The following MALRD1 variants were observed in gnomAD, a reference collection of about 807,000 sequenced individuals.
MALRD1 encodes MAM and LDL-receptor class A domain-containing protein 1.
Under a neutral mutation model 242.1 loss-of-function variants are expected in MALRD1, and 247 were observed. The ratio of observed to expected loss-of-function variants is 1.02; its 90% CI spans 0.92 to 1.13. The LOEUF (loss-of-function observed/expected upper bound fraction) is 1.13. Among genes scored for constraint, MALRD1 ranks in the 50% most tolerant of loss-of-function variants. The pLI is 0.00. For synonymous variants in MALRD1, 995 were observed against 866.6 expected, an observed-to-expected ratio of 1.15 and a Z score of -2.60; for missense variants, 2,989 against 2,533.1, an observed-to-expected ratio of 1.18 and a Z score of -3.86.
At chr10:19,436,102 C>G (rs1050049088) in intron 28 of MALRD1, among the ~76,000 whole-genome samples, 6 of 152,094 alleles carry the variant, frequency 3.9e-5, no homozygotes, top group Non-Finnish European at 8.8e-5. Context: ...CTGACTTCAG[C>G]CCTACAAGAT....
At chr10:19,347,240 C>A (rs2130980653) in intron 24 of MALRD1, among the ~76,000 whole-genome samples, 1 of 152,220 alleles carries the variant, frequency 6.6e-6, no homozygotes, top group South Asian at 2.1e-4. Context: ...GCAACTTAAC[C>A]TATTTAATTT....
At chr10:19,424,038 A>G (rs1047770501) in intron 28 of MALRD1, among the ~76,000 whole-genome samples, 1 of 152,234 alleles carries the variant, frequency 6.6e-6, no homozygotes, top group African/African-American at 2.4e-5. Flanking sequence ...TAAAACAGAA[A>G]AAAAGACTCA....
At chr10:19,137,530 T>C (rs1350554507) in intron 10 of MALRD1, among the ~76,000 whole-genome samples, 1 of 142,240 alleles carries the variant, frequency 7.0e-6, no homozygotes, top group Non-Finnish European at 1.5e-5. Flanking sequence ...TGCCTGAACA[T>C]GGGAGGTGGA....
intron 2 of MALRD1, among the ~76,000 whole-genome samples, chr10:19,078,780 A>G (rs1209725349): frequency 6.6e-6 from 1 of 151,712 alleles, no homozygotes; most frequent in African/African-American, 2.4e-5. Context: ...CATCTCTTCT[A>G]GGTTATCTAA....
intron 18 of MALRD1, among the ~76,000 whole-genome samples, chr10:19,233,382 A>T (rs1449595820): frequency 6.6e-6 from 1 of 152,124 alleles, no homozygotes; most frequent in Admixed American, 6.6e-5. Context: ...AGTGCCTGTC[A>T]TCCCAGCTAC....
At chr10:19,049,865 C>T (rs1031820029) in intron 1 of MALRD1, among the ~76,000 whole-genome samples, 54 of 152,174 alleles carry the variant, frequency 3.5e-4, no homozygotes, top group Non-Finnish European at 6.6e-4. Context: ...ATGACATGTA[C>T]GTTCCTGTCA....
At chr10:19,361,439 T>C (rs1302249625) in intron 26 of MALRD1, among the ~76,000 whole-genome samples, 1 of 152,162 alleles carries the variant, frequency 6.6e-6, no homozygotes, top group Non-Finnish European at 1.5e-5. Flanking sequence ...AGCCTACGAT[T>C]TCTTAGCTCA....
intron 1 of MALRD1, among the ~76,000 whole-genome samples, 180 bp downstream of exon 1, chr10:19,049,317 A>C (rs1834417628): frequency 1.3e-5 from 2 of 152,188 alleles, no homozygotes; most frequent in South Asian, 4.1e-4. Context: ...CCATATAAAA[A>C]AATTATCAAA....
chr10:19,521,719 A>T (rs147233447), intron 31 of MALRD1, among the ~76,000 whole-genome samples: 2 of 152,238 alleles, frequency 1.3e-5, no homozygotes, highest in African/African-American at 4.8e-5. Context: ...TCTTGCTATT[A>T]TATGTATTTA....
chr10:19,506,008 G>A (rs1833120345), intron 31 of MALRD1, among the ~76,000 whole-genome samples: 1 of 152,102 alleles, frequency 6.6e-6, no homozygotes. Context: ...ATTGGTCTTT[G>A]CTGTAGCCTG....
chr10:19,185,257 C>T (rs1835687840), intron 14 of MALRD1, among the ~76,000 whole-genome samples: 1 of 152,196 alleles, frequency 6.6e-6, no homozygotes, highest in African/African-American at 2.4e-5. Flanking sequence ...TTTACTTAAG[C>T]AGCTCTGTAA....
chr10:19,552,159 A>T (rs1409404628), intron 32 of MALRD1, among the ~76,000 whole-genome samples: 2 of 152,110 alleles, frequency 1.3e-5, no homozygotes, highest in African/African-American at 4.8e-5. Context: ...TAGTTTCTCT[A>T]GGAATGGTAC....
At chr10:19,607,725 A>T in intron 34 of MALRD1, 52 bp from the exon 35 acceptor site, 1 of 1,520,520 alleles carries the variant, frequency 6.6e-7, no homozygotes, top group South Asian at 1.2e-5. Flanking sequence ...ATTCATTGGG[A>T]CAAAAAAAAA....
intron 33 of MALRD1, among the ~76,000 whole-genome samples, chr10:19,584,837 C>T (rs2131522028): frequency 6.6e-6 from 1 of 151,870 alleles, no homozygotes; most frequent in Non-Finnish European, 1.5e-5. Flanking sequence ...TTAAAGTCTC[C>T]CATTATTAAT....
chr10:19,165,287 TTTTG>T lies in MALRD1; in HGVS notation c.1657-346_1657-343del, dbSNP rs1564435300. 4.9e-3 allele frequency among the ~76,000 whole-genome samples: 541 copies of T among 110,588 alleles called. 5 individuals carry two copies. The highest frequency in any genetic ancestry group is 0.021 in the African/African-American group (506 of 24,080). The allele number at this position is 110,588 out of a possible 152,430, so 72.6% of individuals were successfully genotyped here. On this transcript the variant is annotated intron_variant, in intron 12 of 39. Coordinates refer to ENST00000454679, the MANE Select transcript of MALRD1 (RefSeq NM_001142308.3). ...TATATTTTGTTTTGTTTTGTTTTTG[TTTTG>T]TTTTGTTTTGTTTTGTTTTGTTTTT...
chr10:19,357,736 G>A (rs1844700116), intron 26 of MALRD1, among the ~76,000 whole-genome samples: 1 of 152,092 alleles, frequency 6.6e-6, no homozygotes. Context: ...TTATGTTCTA[G>A]CAACAGTAAC....
chr10:19,306,802 GAAGTGCC>G (rs58521462), intron 21 of MALRD1, among the ~76,000 whole-genome samples: 18,926 of 151,156 alleles, frequency 0.13, 1,378 homozygotes, highest in South Asian at 0.31. Flanking sequence ...GCAGCAAGGA[GAAGTGCC>G]AAGCAAAAGG....
At chr10:19,594,993 AT>A (rs932181821) in intron 33 of MALRD1, among the ~76,000 whole-genome samples, 200 bp from the exon 34 acceptor site, 1 of 152,098 alleles carries the variant, frequency 6.6e-6, no homozygotes, top group Non-Finnish European at 1.5e-5. Context: ...AATTAAAATA[AT>A]TTTTTATGTT....
intron 12 of MALRD1, among the ~76,000 whole-genome samples, chr10:19,158,082 G>C (rs574002746): frequency 2.0e-5 from 3 of 152,190 alleles, no homozygotes; most frequent in Non-Finnish European, 2.9e-5. Context: ...ACACGAGGGA[G>C]CCCAAAGCTA....
Sources: allele counts gnomAD v4.1 joint callset (sites outside exome capture counted in the v4.1 genomes callset), GRCh38; gene constraint gnomAD v4.1.1; transcripts MANE v1.5; gene names NCBI Gene and HGNC (gene_info 2026-07-23, HGNC 2026-07-21).